Variants in PDE4D observed in about 807,000 individuals in gnomAD.
PDE4D encodes 3',5'-cyclic-AMP phosphodiesterase 4D.
Under a neutral mutation model 87.4 loss-of-function variants are expected in PDE4D, and 24 were observed. The observed-to-expected ratio is 0.27, with a 90% CI of 0.20 to 0.39. The LOEUF (loss-of-function observed/expected upper bound fraction) is 0.39. Among genes scored for constraint, PDE4D ranks in the 10% least tolerant of loss-of-function variants. PDE4D has a pLI of 1.00. For synonymous variants in PDE4D, 384 were observed against 383.2 expected (o/e 1.00, Z -0.02); for missense variants, 714 against 1,041.0 (o/e 0.69, Z 4.32).
At chr5:59,649,362 G>A (rs1742993260) in intron 1 of PDE4D, among the ~76,000 whole-genome samples, 3 of 152,300 alleles carry the variant, frequency 2.0e-5, no homozygotes, top group Admixed American at 1.3e-4. Flanking sequence ...GCATGCAGAA[G>A]TGTGAGCCGG....
intron 1 of PDE4D, among the ~76,000 whole-genome samples, chr5:59,344,526 G>A (rs779663642): frequency 1.3e-5 from 2 of 151,996 alleles, no homozygotes; most frequent in African/African-American, 4.8e-5. Context: ...AGCCCCCAGA[G>A]TAGCTGAGAC....
chr5:59,469,055 C>T lies in PDE4D; in HGVS notation c.456-253087G>A, dbSNP rs938451699. On this transcript the variant is annotated intron_variant, in intron 1 of 14. Coordinates refer to ENST00000340635, the MANE Select transcript of PDE4D (RefSeq NM_001104631.2). ...ATAAAAACTAACACACGGCCAGGTG[C>T]GGTGGCTCATGCTTGTAATCCCAGC... is the stretch of plus-strand genomic sequence containing the variant. Among the ~76,000 whole-genome samples, 6 of 152,222 alleles carry T rather than the reference C, an allele frequency of 3.9e-5. No individual in the cohort carries two copies. The South Asian group carries it at 6.2e-4, about 16-fold the overall frequency.
chr5:60,235,089 A>C (rs906106881), intron 1 of PDE4D, among the ~76,000 whole-genome samples: 2 of 151,854 alleles, frequency 1.3e-5, no homozygotes, highest in African/African-American at 4.8e-5. Flanking sequence ...TATAACAGCT[A>C]AATTATCAAT....
chr5:59,621,388 GTTC>G (rs1830337762), intron 1 of PDE4D, among the ~76,000 whole-genome samples: 1 of 152,180 alleles, frequency 6.6e-6, no homozygotes, highest in Admixed American at 6.5e-5. Context: ...AGCCAGCTGA[GTTC>G]TTCTTGTCAC....
chr5:59,124,422 T>C (rs1420910114), intron 5 of PDE4D, among the ~76,000 whole-genome samples: 1 of 152,226 alleles, frequency 6.6e-6, no homozygotes, highest in Admixed American at 6.5e-5. Flanking sequence ...ACTCCTCATT[T>C]ATCTTAGCCC....
At chr5:59,296,009 T>C (rs1386906447) in intron 1 of PDE4D, among the ~76,000 whole-genome samples, 1 of 151,976 alleles carries the variant, frequency 6.6e-6, no homozygotes, top group Non-Finnish European at 1.5e-5. Context: ...GTTTCTCAAT[T>C]GTACAGAGAA....
intron 1 of PDE4D, among the ~76,000 whole-genome samples, chr5:60,327,026 T>C (rs976477715): frequency 1.1e-4 from 17 of 152,154 alleles, no homozygotes; most frequent in African/African-American, 3.9e-4. Context: ...CCTGCTTACA[T>C]ATCCCATGCC....
intron 6 of PDE4D, among the ~76,000 whole-genome samples, chr5:59,003,020 T>C (rs905523817): frequency 6.6e-6 from 1 of 152,144 alleles, no homozygotes; most frequent in African/African-American, 2.4e-5. Flanking sequence ...AATTCTCTGG[T>C]TTGTCATTTG....
At chr5:59,282,893 A>G (rs1441178502) in intron 1 of PDE4D, among the ~76,000 whole-genome samples, 1 of 152,136 alleles carries the variant, frequency 6.6e-6, no homozygotes, top group Non-Finnish European at 1.5e-5. Flanking sequence ...CAGATTACAA[A>G]TAAGTTTTCT....
chr5:59,044,618 G>T (rs1378839088), intron 5 of PDE4D, among the ~76,000 whole-genome samples: 1 of 152,084 alleles, frequency 6.6e-6, no homozygotes, highest in Admixed American at 6.5e-5. Context: ...TATCTGATGG[G>T]AAATACATGA....
rs28653135 is a variant in PDE4D at position 60,396,408 on chromosome 5, G to A, written c.-90+91534C>T. On this transcript the variant is annotated intron_variant, in intron 1 of 16. Coordinates refer to the PDE4D transcript ENST00000502484. ...GGCTTCTTCCCTTATTTTCTTACGG[G>A]TCTTCTTCTCATGGGGCTAGAAGGA... Among the ~76,000 whole-genome samples, 517 of 152,242 alleles carry A rather than the reference G, an allele frequency of 3.4e-3. 4 individuals carry two copies. Among genetic ancestry groups the A allele is most frequent in the Non-Finnish European group, 3.7e-3 (253 of 68,030 alleles).
At chr5:59,916,288 A>G (rs561412479) in intron 3 of PDE4D, among the ~76,000 whole-genome samples, 2 of 152,264 alleles carry the variant, frequency 1.3e-5, no homozygotes, top group African/African-American at 4.8e-5. Context: ...AGCATTTTCT[A>G]TAACAACAAA....
At chr5:59,639,085 C>G (rs2150183029) in intron 1 of PDE4D, among the ~76,000 whole-genome samples, 1 of 152,156 alleles carries the variant, frequency 6.6e-6, no homozygotes, top group African/African-American at 2.4e-5. Context: ...AAAACATTTT[C>G]CACAAATTTT....
chr5:58,974,715 C>G lies in PDE4D; in HGVS notation c.2379G>C (p.Glu793Asp), dbSNP rs1310535290. 6.2e-7 allele frequency: 1 copy of G among 1,611,684 alleles called. No individual in the cohort carries two copies. Among genetic ancestry groups the G allele is most frequent in the Non-Finnish European group, 8.5e-7 (1 of 1,178,538 alleles). The change falls in exon 15 of 15, where the codon GAG (glutamate) becomes GAC (aspartate). Residue 793 changes from glutamate to aspartate, a missense_variant. Coordinates refer to ENST00000340635, the MANE Select transcript of PDE4D (RefSeq NM_001104631.2). ...TGACACAGGCTTCAGGCTGGCTTTC[C>G]TCTTCTTCCCCTACTGCCTCCTCTT... The part of the protein sequence containing the change: ...QVEEEAVGEE[E>D]ESQPEACVID...
At chr5:59,244,352 T>C (rs1392075869) in intron 1 of PDE4D, among the ~76,000 whole-genome samples, 1 of 151,890 alleles carries the variant, frequency 6.6e-6, no homozygotes, top group Non-Finnish European at 1.5e-5. Flanking sequence ...GAGCCAAGAT[T>C]GTGCCACTGC....
At chr5:60,521,048 T>C (rs1201974531) in intron 1 of PDE4D, 2 of 152,282 alleles carry the variant, frequency 1.3e-5, no homozygotes, top group African/African-American at 4.8e-5. Flanking sequence ...GTCCAGACAC[T>C]CGTCATTAAC....
intron 1 of PDE4D, among the ~76,000 whole-genome samples, chr5:60,319,652 T>C (rs1292280636): frequency 6.6e-6 from 1 of 152,218 alleles, no homozygotes; most frequent in Admixed American, 6.5e-5. Flanking sequence ...GACGTACACA[T>C]GAGGTTTTGG....
intron 1 of PDE4D, among the ~76,000 whole-genome samples, chr5:60,344,227 C>T (rs776036461): frequency 6.6e-6 from 1 of 152,158 alleles, no homozygotes; most frequent in South Asian, 2.1e-4. Context: ...CACATACTTG[C>T]TATCTTGCTG....
intron 1 of PDE4D, among the ~76,000 whole-genome samples, chr5:60,454,283 G>A: frequency 6.6e-6 from 1 of 152,020 alleles, no homozygotes; most frequent in East Asian, 1.9e-4. Context: ...ATTTGACCCA[G>A]CAATCCCATT....
Sources: gnomAD v4.1 joint callset for allele counts (sites outside exome capture counted in the v4.1 genomes callset) on GRCh38, gnomAD v4.1.1 for gene constraint, MANE v1.5 for transcripts, NCBI Gene and HGNC (gene_info 2026-07-23, HGNC 2026-07-21) for gene names.